Variants in NEBL observed in about 807,000 individuals in gnomAD.
The protein encoded by NEBL is nebulette.
A neutral mutation model predicts 140.2 loss-of-function variants in NEBL; 122 were observed. The observed-to-expected ratio is 0.87, with a 90% CI of 0.75 to 1.01. The LOEUF is 1.01. NEBL is among the 50% of genes least tolerant of loss of function. The pLI is 0.00. For synonymous variants in NEBL, 436 were observed against 398.9 expected, an observed-to-expected ratio of 1.09 and a Z score of -1.11; for missense variants, 1,365 against 1,231.3, an observed-to-expected ratio of 1.11 and a Z score of -1.62.
chr10:20,885,585 AGGGATTTGTG>A (rs1442930951), intron 4 of NEBL, among the ~76,000 whole-genome samples: 2 of 152,206 alleles, frequency 1.3e-5, no homozygotes, highest in African/African-American at 2.4e-5. Flanking sequence ...TCTATGTTGC[AGGGATTTGTG>A]TATTACAGCC....
intron 26 of NEBL, among the ~76,000 whole-genome samples, chr10:20,800,143 C>G (rs902184295): frequency 1.0e-4 from 15 of 149,974 alleles, no homozygotes; most frequent in African/African-American, 3.7e-4. Context: ...CCCACCCCAT[C>G]GTAACCATTG....
intron 2 of NEBL, among the ~76,000 whole-genome samples, chr10:21,049,744 C>T (rs1224765531): frequency 1.3e-5 from 2 of 152,198 alleles, no homozygotes. Context: ...GCAGTGACAT[C>T]CCCTTCTTTG....
chr10:20,883,124 T>C (rs1846174081), intron 4 of NEBL, among the ~76,000 whole-genome samples: 2 of 152,210 alleles, frequency 1.3e-5, no homozygotes, highest in East Asian at 3.9e-4. Context: ...GTTGGACCAT[T>C]CTTAATTAGA....
chr10:21,184,593 T>A (rs1224857850), intron 3 of NEBL, among the ~76,000 whole-genome samples: 1 of 152,050 alleles, frequency 6.6e-6, no homozygotes, highest in African/African-American at 2.4e-5. Context: ...AAAGGAAACC[T>A]GATCCCCTGC....
chr10:21,060,752 T>G (rs1298532647), intron 2 of NEBL, among the ~76,000 whole-genome samples: 1 of 152,130 alleles, frequency 6.6e-6, no homozygotes, highest in Admixed American at 6.6e-5. Flanking sequence ...ATTCTCATCC[T>G]TACCCCTAAG....
In NEBL at chr10:20,784,019, T is replaced by C. The variant is rs1242666745; in HGVS notation, c.*1728A>G. ...ATGAAATCACAGATTTTCAAAAGCA[T>C]GTGCTAACTTTTCTAAAGTGGAAAT... On this transcript the variant is annotated 3_prime_UTR_variant, in exon 28 of 28. Transcript: ENST00000377122. The C allele has an allele frequency of 6.6e-6, 1 of 152,226 alleles. No homozygotes were observed. Among genetic ancestry groups the C allele is most frequent in the Admixed American group, 6.5e-5 (1 of 15,282 alleles). The allele number at this position is 152,226 out of a possible 1,614,324, so 9.4% of individuals were successfully genotyped here.
rs939259267 is a variant in NEBL, at chr10:21,041,382, A to G, written c.165-21181T>C. Among the ~76,000 whole-genome samples, 6 of 152,224 alleles carry G rather than the reference A, an allele frequency of 3.9e-5. No individual in the cohort carries two copies. In the East Asian group the frequency reaches 5.8e-4, roughly 15 times the overall value. On this transcript the variant is annotated intron_variant, in intron 2 of 6. Transcript: ENST00000417816. ...AGCTTGCAAAGCCACTGCAGCTTCA[A>G]TACTGCCACAGCACTGTCAAGATGG... is the stretch of plus-strand genomic sequence containing the variant.
At chr10:21,067,130 G>A (rs1426343691) in intron 2 of NEBL, among the ~76,000 whole-genome samples, 3 of 151,736 alleles carry the variant, frequency 2.0e-5, no homozygotes, top group Non-Finnish European at 4.4e-5. Context: ...CCGCCACCAC[G>A]CCCGGCTAAT....
At chr10:20,790,073 G>A (rs1156576806) in intron 26 of NEBL, among the ~76,000 whole-genome samples, 1 of 151,892 alleles carries the variant, frequency 6.6e-6, no homozygotes, top group Non-Finnish European at 1.5e-5. Context: ...AGAAAGTAAT[G>A]TATTAGTTCT....
intron 3 of NEBL, among the ~76,000 whole-genome samples, chr10:20,964,538 C>T (rs368352851): frequency 6.6e-6 from 1 of 152,064 alleles, no homozygotes; most frequent in African/African-American, 2.4e-5. Flanking sequence ...CCAGCTCTCA[C>T]GTGAACTCAT....
intron 4 of NEBL, among the ~76,000 whole-genome samples, chr10:20,910,233 T>C (rs1848273667): frequency 6.6e-6 from 1 of 152,214 alleles, no homozygotes; most frequent in Non-Finnish European, 1.5e-5. Flanking sequence ...TCAAGGTTCA[T>C]ACAAAAGCAG....
chr10:20,897,749 T>C (rs2131417125), upstream of NEBL: 1 of 171,074 alleles, frequency 5.8e-6, no homozygotes, highest in East Asian at 1.9e-4. Flanking sequence ...ATATGTTTTA[T>C]CAGACATACC....
intron 2 of NEBL, among the ~76,000 whole-genome samples, chr10:21,161,398 T>C (rs16921632): frequency 0.012 from 1,896 of 152,078 alleles, 39 homozygotes; most frequent in African/African-American, 0.044. Flanking sequence ...AGCTGTATCA[T>C]TCAGACAGCC....
intron 1 of NEBL, among the ~76,000 whole-genome samples, chr10:21,284,854 T>C (rs887879991): frequency 1.4e-4 from 21 of 152,290 alleles, no homozygotes; most frequent in African/African-American, 3.4e-4. Context: ...TCACATTAGA[T>C]CATGATTTTT....
intron 3 of NEBL, among the ~76,000 whole-genome samples, chr10:21,202,563 C>T (rs1371305172): frequency 6.7e-6 from 1 of 149,470 alleles, no homozygotes; most frequent in East Asian, 2.0e-4. Flanking sequence ...CCGCTGTTGA[C>T]GCCATTCTCC....
chr10:21,286,890 G>A (rs1271972514), intron 1 of NEBL, among the ~76,000 whole-genome samples: 1 of 151,976 alleles, frequency 6.6e-6, no homozygotes, highest in Non-Finnish European at 1.5e-5. Context: ...AAATCATACA[G>A]GAACAGACAA....
intron 11 of NEBL, among the ~76,000 whole-genome samples, chr10:20,847,664 G>A (rs896834379): frequency 1.1e-4 from 16 of 152,144 alleles, no homozygotes; most frequent in African/African-American, 3.6e-4. Context: ...ACTAGAAGGA[G>A]GTCCAGCCTG....
chr10:20,941,912 C>A (rs1834889864), intron 4 of NEBL, among the ~76,000 whole-genome samples: 1 of 151,988 alleles, frequency 6.6e-6, no homozygotes, highest in African/African-American at 2.4e-5. Flanking sequence ...AGGAGAACTA[C>A]AAACCACTGC....
At chr10:21,178,450 A>G (rs1361550733), upstream of NEBL, among the ~76,000 whole-genome samples, 1 of 152,220 alleles carries the variant, frequency 6.6e-6, no homozygotes, top group East Asian at 1.9e-4. Flanking sequence ...CAGAGGAGAA[A>G]TTTCTAATTC....
Sources: allele counts gnomAD v4.1 joint callset (sites outside exome capture counted in the v4.1 genomes callset), GRCh38; gene constraint gnomAD v4.1.1; transcripts MANE v1.5; gene names NCBI Gene and HGNC (gene_info 2026-07-23, HGNC 2026-07-21).